The following ADAMTSL1 variants were observed in gnomAD, a reference collection of about 807,000 sequenced individuals.
The protein encoded by ADAMTSL1 is ADAMTS-like protein 1.
A neutral mutation model predicts 201.8 loss-of-function variants in ADAMTSL1; 126 were observed. That is an observed-to-expected ratio of 0.62 (90% CI 0.54 to 0.72). ADAMTSL1 has a LOEUF of 0.72. Among genes scored for constraint, ADAMTSL1 ranks in the 30% least tolerant of loss-of-function variants. The probability of loss-of-function intolerance (pLI) is 0.00; values close to 1 mark genes in which losing one functional copy is unlikely to be tolerated. For synonymous variants in ADAMTSL1, 1,121 were observed against 903.4 expected, an observed-to-expected ratio of 1.24 and a Z score of -4.32; for missense variants, 2,679 against 2,277.8, an observed-to-expected ratio of 1.18 and a Z score of -3.59.
At chr9:18,485,875 G>C (rs140576774) in intron 1 of ADAMTSL1, among the ~76,000 whole-genome samples, 1 of 152,334 alleles carries the variant, frequency 6.6e-6, no homozygotes, top group African/African-American at 2.4e-5. Context: ...GAGGCCAAAA[G>C]TTTCAAGATT....
chr9:18,361,228 G>T (rs137919661), intron 2 of ADAMTSL1, among the ~76,000 whole-genome samples: 3 of 151,836 alleles, frequency 2.0e-5, no homozygotes, highest in Non-Finnish European at 4.4e-5. Context: ...TGTATTTTTC[G>T]ATTATAAGGA....
chr9:18,240,648 T>C (rs1030696794), intron 2 of ADAMTSL1, among the ~76,000 whole-genome samples: 1 of 152,196 alleles, frequency 6.6e-6, no homozygotes, highest in Non-Finnish European at 1.5e-5. Flanking sequence ...GTATAAGATA[T>C]CATTGAATAT....
At chr9:18,533,314 T>G (rs778792893) in intron 3 of ADAMTSL1, 22 bp downstream of exon 3, 1 of 1,595,312 alleles carries the variant, frequency 6.3e-7, no homozygotes, top group Admixed American at 1.7e-5. Flanking sequence ...GTTCTGAGAT[T>G]GTAATCATGT....
intron 2 of ADAMTSL1, among the ~76,000 whole-genome samples, chr9:18,380,979 T>A (rs962191723): frequency 6.6e-6 from 1 of 152,230 alleles, no homozygotes; most frequent in Non-Finnish European, 1.5e-5. Context: ...GGGTAGCGTG[T>A]GTCTCCTGCT....
At chr9:18,636,821 C>A (rs899188668) in intron 6 of ADAMTSL1, among the ~76,000 whole-genome samples, 1 of 152,170 alleles carries the variant, frequency 6.6e-6, no homozygotes, top group Admixed American at 6.6e-5. Context: ...AAAGGCTTCA[C>A]TTCAGTTGGT....
intron 1 of ADAMTSL1, among the ~76,000 whole-genome samples, chr9:17,924,210 C>T (rs927814524): frequency 1.8e-4 from 27 of 151,796 alleles, no homozygotes; most frequent in African/African-American, 4.8e-4. Flanking sequence ...GTACCAGTTC[C>T]TCCTTGTACC....
intron 15 of ADAMTSL1, among the ~76,000 whole-genome samples, chr9:18,724,202 G>C (rs574151): frequency 0.84 from 128,222 of 152,228 alleles, 54,296 homozygotes; most frequent in Admixed American, 0.91. Context: ...TCACCCCCTG[G>C]TTAAGATAAA....
chr9:18,315,162 A>AT (rs1244225953), intron 2 of ADAMTSL1, among the ~76,000 whole-genome samples: 1 of 152,064 alleles, frequency 6.6e-6, no homozygotes, highest in African/African-American at 2.4e-5. Context: ...TGATTGGTGC[A>AT]TTTGCAAACC....
At chr9:17,960,553 T>C (rs1225057256) in intron 1 of ADAMTSL1, among the ~76,000 whole-genome samples, 1 of 152,216 alleles carries the variant, frequency 6.6e-6, no homozygotes, top group African/African-American at 2.4e-5. Context: ...CAGTTTCTAG[T>C]CATCATTCAT....
chr9:18,149,993 C>A (rs887908419), intron 1 of ADAMTSL1, among the ~76,000 whole-genome samples: 1 of 151,974 alleles, frequency 6.6e-6, no homozygotes, highest in African/African-American at 2.4e-5. Flanking sequence ...TTTGTAGAAG[C>A]AAGAACACAT....
rs1360245980 is a variant in ADAMTSL1 at position 18,910,090 on chromosome 9, T to A, written c.*1542T>A. 6.6e-6 allele frequency: 1 copy of A among 152,132 alleles called. No homozygotes were observed. Among genetic ancestry groups the A allele is most frequent in the Non-Finnish European group, 1.5e-5 (1 of 68,032 alleles). The allele number at this position is 152,132 out of a possible 1,614,324, so 9.4% of individuals were successfully genotyped here. ...TCATGAAATGCCACTCACCCCGGGCTACCATTGACATCAGGGCTGCATTTC... is the reference window on the plus strand; with the variant it reads ...TCATGAAATGCCACTCACCCCGGGCAACCATTGACATCAGGGCTGCATTTC... On this transcript the variant is annotated 3_prime_UTR_variant, in exon 29 of 29. Transcript: ENST00000380548.
chr9:17,995,387 A>AT (rs766024047), intron 1 of ADAMTSL1, among the ~76,000 whole-genome samples: 1 of 152,208 alleles, frequency 6.6e-6, no homozygotes, highest in South Asian at 2.1e-4. Context: ...ATGCTGCATT[A>AT]TTTTTTGCTG....
chr9:18,539,941 C>T (rs1252946500), intron 3 of ADAMTSL1, among the ~76,000 whole-genome samples: 1 of 152,114 alleles, frequency 6.6e-6, no homozygotes, highest in African/African-American at 2.4e-5. Flanking sequence ...CTCACCCAGA[C>T]ATTAATGGTG....
chr9:18,598,016 T>A (rs1824376905), intron 4 of ADAMTSL1, among the ~76,000 whole-genome samples: 1 of 152,174 alleles, frequency 6.6e-6, no homozygotes. Context: ...AAAGTGTTTT[T>A]GATGTGGACT....
Position 18,770,621 on chromosome 9 carries a change from G to C in ADAMTSL1, c.2237G>C (p.Gly746Ala), listed in dbSNP as rs765166174. Residue 746 changes from glycine to alanine, a missense_variant, in exon 17 of 29, where the codon GGG (glycine) becomes GCG (alanine). Transcript: ENST00000380548. ...CCCCAGTGTTCCAGAACGTGTGGCGGGGGTGTTCAGAAACGTGAGGTTCTT... is the reference window on the plus strand; with the variant it reads ...CCCCAGTGTTCCAGAACGTGTGGCGCGGGTGTTCAGAAACGTGAGGTTCTT... ...QWQPCSRTCG[G>A]GVQKREVLCK... is the part of the protein sequence containing the mutation. 2 of 1,612,936 alleles carry C rather than the reference G, an allele frequency of 1.2e-6. No homozygotes were observed. Among genetic ancestry groups the C allele is most frequent in the South Asian group, 1.1e-5 (1 of 90,790 alleles).
chr9:18,609,856 A>G (rs1286182046), intron 4 of ADAMTSL1, among the ~76,000 whole-genome samples: 1 of 152,208 alleles, frequency 6.6e-6, no homozygotes, highest in Non-Finnish European at 1.5e-5. Context: ...ATCTTTTTAT[A>G]TAAGCTATCA....
chr9:18,601,150 A>T (rs1276600178), intron 4 of ADAMTSL1, among the ~76,000 whole-genome samples: 1 of 152,240 alleles, frequency 6.6e-6, no homozygotes, highest in Non-Finnish European at 1.5e-5. Context: ...GAATAGGACA[A>T]TAAGTGCCCT....
chr9:18,540,177 C>A (rs1197977193), intron 3 of ADAMTSL1, among the ~76,000 whole-genome samples: 1 of 152,132 alleles, frequency 6.6e-6, no homozygotes, highest in African/African-American at 2.4e-5. Flanking sequence ...TTTACCAGGT[C>A]TCAGGCACTT....
intron 5 of ADAMTSL1, among the ~76,000 whole-genome samples, chr9:18,635,192 A>G (rs1299983806): frequency 6.6e-6 from 1 of 152,016 alleles, no homozygotes; most frequent in Admixed American, 6.6e-5. Context: ...TGTCATTACA[A>G]ATGGAGTTCT....
Sources: allele counts gnomAD v4.1 joint callset (sites outside exome capture counted in the v4.1 genomes callset), GRCh38; gene constraint gnomAD v4.1.1; transcripts MANE v1.5; gene names NCBI Gene and HGNC (gene_info 2026-07-23, HGNC 2026-07-21).